FLRT3: variants seen among roughly 807,000 people sequenced by gnomAD.
FLRT3 encodes the protein fibronectin leucine rich transmembrane protein 3, also known as leucine-rich repeat transmembrane protein FLRT3.
In FLRT3, 17 loss-of-function variants were observed where a neutral mutation model predicts 42.6. The observed-to-expected ratio is 0.40, with a 90% CI of 0.27 to 0.60. The LOEUF (loss-of-function observed/expected upper bound fraction) is 0.60, where lower values mean the gene tolerates loss of function less well. Ranked by LOEUF, FLRT3 falls within the 20% of genes least tolerant of loss-of-function variation. The pLI is 0.44. For missense variants in FLRT3, 635 were observed against 789.2 expected, an observed-to-expected ratio of 0.80 and a Z score of 2.34; for synonymous variants, 279 against 286.4, an observed-to-expected ratio of 0.97 and a Z score of 0.26.
Position 14,326,247 on chromosome 20 carries a change from A to T in FLRT3, c.1260T>A (p.Ser420=). ...GTTTCCAAGAGATATGAATGGTATC[A>T]GAGGTGACAGACTTCACAGTAATTG... is the stretch of plus-strand genomic sequence containing the variant. ...TITITVKSVT[S]DTIHISWKLA... The change falls in exon 3 of 3, where the codon TCT becomes TCA. Residue 420 remains serine (S), a synonymous_variant. Transcript: ENST00000341420. The surrounding 1 kb of genome is among the most constrained non-coding windows in gnomAD (Gnocchi z 5.5). 1 of 1,613,970 alleles carries T rather than the reference A, an allele frequency of 6.2e-7. No homozygotes were observed. Among genetic ancestry groups the T allele is most frequent in the Non-Finnish European group, 8.5e-7 (1 of 1,179,870 alleles).
chr20:14,336,628 A>T (rs1037890258), intron 1 of FLRT3, among the ~76,000 whole-genome samples: 4 of 152,000 alleles, frequency 2.6e-5, no homozygotes, highest in African/African-American at 9.7e-5. Context: ...GCTACCCCAA[A>T]CTCACTGCAT....
chr20:14,331,476 T>G (rs1459718329), intron 1 of FLRT3, among the ~76,000 whole-genome samples: 1 of 152,118 alleles, frequency 6.6e-6, no homozygotes. Flanking sequence ...TAAATCTCAT[T>G]AAGTTCTTGG....
rs1167061059 is a variant in FLRT3 at position 14,323,066 on chromosome 20, C to T, written c.*2491G>A. The T allele has an allele frequency of 6.6e-6, 1 of 152,190 alleles. No individual in the cohort carries two copies. The highest frequency in any genetic ancestry group is 1.5e-5 in the Non-Finnish European group (1 of 68,034). 9.4% of individuals were successfully genotyped at this position (152,190 alleles called of 1,614,324 possible). On this transcript the variant is annotated 3_prime_UTR_variant, in exon 3 of 3. Coordinates refer to ENST00000341420, the MANE Select transcript of FLRT3 (RefSeq NM_198391.3). ...TTGTCTTAACAAGTTTTGCCCCATA[C>T]ACCACGCAAGCAATCAGTTCTTCAG...
Position 14,327,190 on chromosome 20 carries a change from A to T in FLRT3, c.317T>A (p.Val106Glu). 6.2e-7 allele frequency: 1 copy of T among 1,613,678 alleles called. No individual in the cohort carries two copies. The highest frequency in any genetic ancestry group is 8.5e-7 in the Non-Finnish European group (1 of 1,179,736). ...DEFPTNLPKY[V>E]KELHLQENNI... is the part of the protein sequence containing the mutation. ...ATTTTCTTGCAAATGTAACTCTTTT[A>T]CATACTTTGGGAGGTTGGTAGGAAA... The change falls in exon 3 of 3, where the codon GTA becomes GAA. Residue 106 changes from valine (V) to glutamate (E), a missense_variant. By Grantham distance (121) the Val-to-Glu change is moderately radical (BLOSUM62 -2). Transcript: ENST00000341420.
chr20:14,325,619 T>C lies in FLRT3; in HGVS notation c.1888A>G (p.Ser630Gly). Residue 630 changes from serine (S) to glycine (G), a missense_variant, in exon 3 of 3, where the codon AGC becomes GGC. Physicochemically the swap from Ser to Gly is moderately conservative, Grantham distance 56 (BLOSUM62 0). Coordinates refer to ENST00000341420, the MANE Select transcript of FLRT3 (RefSeq NM_198391.3). ...TCTCTGTAGCTTCGGTTACTACTGC[T>C]TTCACTGTGATTGTTTTTGTACAGA... ...MNLYKNNHSE[S>G]SSNRSYRDSG... is the part of the protein sequence containing the mutation. The C allele has an allele frequency of 1.2e-6, 2 of 1,613,692 alleles. No individual in the cohort carries two copies. Among genetic ancestry groups the C allele is most frequent in the Non-Finnish European group, 1.7e-6 (2 of 1,179,710 alleles).
At chr20:14,331,899 A>G (rs745659032) in intron 1 of FLRT3, among the ~76,000 whole-genome samples, 3 of 152,172 alleles carry the variant, frequency 2.0e-5, no homozygotes, top group South Asian at 4.1e-4. Flanking sequence ...CCAGGTTTCC[A>G]TAACACTGAC....
At position 14,325,813 on chromosome 20, in the gene FLRT3, T is replaced by C. The variant is rs773372477; in HGVS notation, c.1694A>G (p.Tyr565Cys). 68 of 1,613,796 alleles carry C rather than the reference T, an allele frequency of 4.2e-5. No individual in the cohort carries two copies. The highest frequency in any genetic ancestry group is 5.4e-5 in the Non-Finnish European group (64 of 1,179,868). The stretch of plus-strand genomic sequence containing the variant: ...ATCCTTTCTTCTCCTCCCTTTGCTA[T>C]ATGCACAGTTCCTTGAGAAGAGCGA... ...NGSLFSRNCA[Y>C]SKGRRRKDDY... Residue 565 changes from tyrosine (Y) to cysteine (C), a missense_variant, in exon 3 of 3, where the codon TAT becomes TGT. By Grantham distance (194) the Tyr-to-Cys change is radical (BLOSUM62 -2). Coordinates refer to ENST00000341420, the MANE Select transcript of FLRT3 (RefSeq NM_198391.3).
At position 14,327,434 on chromosome 20, in the gene FLRT3, A is replaced by T. The variant is rs555716633; in HGVS notation, c.73T>A (p.Ser25Thr). Reference sequence around the variant, plus strand: ...GATGGACAGGATTTAGCCATAACTGATAGAGGTGCTACTTGAAGGAACAGC... The same window carrying T: ...GATGGACAGGATTTAGCCATAACTGTTAGAGGTGCTACTTGAAGGAACAGC... Reference protein sequence around the residue: ...IGLFLQVAPLSVMAKSCPSVC... With the variant: ...IGLFLQVAPLTVMAKSCPSVC... Residue 25 changes from serine to threonine, a missense_variant, in exon 3 of 3, where the codon TCA becomes ACA. Coordinates refer to ENST00000341420, the MANE Select transcript of FLRT3 (RefSeq NM_198391.3). 1 of 1,613,584 alleles carries T rather than the reference A, an allele frequency of 6.2e-7. No individual in the cohort carries two copies. The highest frequency in any genetic ancestry group is 8.5e-7 in the Non-Finnish European group (1 of 1,179,638).
chr20:14,334,650 G>T (rs1292001357), intron 1 of FLRT3, among the ~76,000 whole-genome samples: 5 of 138,924 alleles, frequency 3.6e-5, no homozygotes, highest in Non-Finnish European at 1.6e-5. Flanking sequence ...GGCCTCTGGG[G>T]CAAAAGGTGG....
intron 1 of FLRT3, among the ~76,000 whole-genome samples, chr20:14,333,477 A>G (rs2082880146): frequency 6.6e-6 from 1 of 152,158 alleles, no homozygotes; most frequent in African/African-American, 2.4e-5. Flanking sequence ...TGTAAGAACG[A>G]GTAAGATATT....
At chr20:14,331,816 C>T (rs930562376) in intron 1 of FLRT3, among the ~76,000 whole-genome samples, 2 of 152,108 alleles carry the variant, frequency 1.3e-5, no homozygotes, top group East Asian at 3.9e-4. Flanking sequence ...TACATATTTG[C>T]GCACCTAGAA....
At position 14,325,882 on chromosome 20, in the gene FLRT3, A is replaced by G. The variant is rs968800103; in HGVS notation, c.1625T>C (p.Ile542Thr). The G allele has an allele frequency of 2.5e-6, 4 of 1,613,874 alleles. No homozygotes were observed. The highest frequency in any genetic ancestry group is 1.3e-5 in the African/African-American group (1 of 74,910). Residue 542 changes from isoleucine to threonine, a missense_variant, in exon 3 of 3, where the codon ATT becomes ACT. Ile to Thr is a moderately conservative substitution (Grantham distance 89). Transcript: ENST00000341420. ...IIGGAVALVT[I>T]ALLALVCWYV... The stretch of plus-strand genomic sequence containing the variant: ...CCAACACACTAAAGCAAGAAGGGCA[A>G]TGGTAACCAGGGCCACAGCCCCACC...
intron 1 of FLRT3, among the ~76,000 whole-genome samples, chr20:14,330,037 A>G (rs1169097357): frequency 6.6e-6 from 1 of 151,884 alleles, no homozygotes; most frequent in Non-Finnish European, 1.5e-5. Context: ...TAGCATACTG[A>G]GTTTGAAAAA....
intron 1 of FLRT3, among the ~76,000 whole-genome samples, chr20:14,336,449 C>A (rs989945666): frequency 6.6e-6 from 1 of 152,056 alleles, no homozygotes; most frequent in African/African-American, 2.4e-5. Flanking sequence ...TGTTTCAGAC[C>A]TAATTCAGTG....
rs550133253 is a variant in FLRT3, at chr20:14,325,845, C to A, written c.1662G>T (p.Arg554Ser). The A allele has an allele frequency of 6.2e-7, 1 of 1,613,960 alleles. No individual in the cohort carries two copies. Among genetic ancestry groups the A allele is most frequent in the South Asian group, 1.1e-5 (1 of 91,086 alleles). ...LLALVCWYVH[R>S]NGSLFSRNCA... ...AGTTCCTTGAGAAGAGCGATCCATT[C>A]CTATGAACATACCAACACACTAAAG... The change falls in exon 3 of 3, where the codon AGG becomes AGT. Residue 554 changes from arginine to serine, a missense_variant. Arg to Ser is a moderately radical substitution (Grantham distance 110, BLOSUM62 -1). Coordinates refer to ENST00000341420, the MANE Select transcript of FLRT3 (RefSeq NM_198391.3).
rs759402463 is a variant in FLRT3, at chr20:14,326,317, G to A, written c.1190C>T (p.Thr397Ile). 1.2e-6 allele frequency: 2 copies of A among 1,613,870 alleles called. No individual in the cohort carries two copies. The highest frequency in any genetic ancestry group is 1.7e-5 in the Admixed American group (1 of 59,998). The change falls in exon 3 of 3, where the codon ACT becomes ATT. Residue 397 changes from threonine (T) to isoleucine (I), a missense_variant. Physicochemically the swap from Thr to Ile is moderately conservative, Grantham distance 89 (BLOSUM62 -1). Transcript: ENST00000341420. The surrounding 1 kb of genome is among the most constrained non-coding windows in gnomAD (Gnocchi z 5.5). ...ACTCCCTGTGGTTTGGTGATCCTTA[G>A]TGAGCTTGGGGTTCTTAATATCTGG... ...KQPDIKNPKL[T>I]KDHQTTGSPS...
intron 1 of FLRT3, among the ~76,000 whole-genome samples, chr20:14,336,730 G>C (rs1017523427): frequency 6.6e-6 from 1 of 152,154 alleles, no homozygotes; most frequent in African/African-American, 2.4e-5. Context: ...ACTTGCCTAA[G>C]CAATGGATTT....
chr20:14,335,694 G>A (rs972089309), intron 1 of FLRT3, among the ~76,000 whole-genome samples: 5 of 152,040 alleles, frequency 3.3e-5, no homozygotes, highest in African/African-American at 4.8e-5. Flanking sequence ...TTACAGAACC[G>A]CAATATTAAT....
intron 2 of FLRT3, among the ~76,000 whole-genome samples, chr20:14,328,396 G>A (rs566658968): frequency 3.3e-5 from 5 of 152,050 alleles, no homozygotes; most frequent in East Asian, 3.9e-4. Context: ...ACCTCATAAC[G>A]TGTTGTCACA....
Sources: gnomAD v4.1 joint callset for allele counts (sites outside exome capture counted in the v4.1 genomes callset) on GRCh38, gnomAD v4.1.1 for gene constraint, Gnocchi (gnomAD v3.1) non-coding constraint, MANE v1.5 for transcripts, NCBI Gene and HGNC (gene_info 2026-07-23, HGNC 2026-07-21) for gene names.